GRID2: variants seen among roughly 807,000 people sequenced by gnomAD.
GRID2 encodes the protein glutamate receptor ionotropic, delta-2.
GRID2 carries 33 observed loss-of-function variants against 114.8 expected under a neutral mutation model. The observed-to-expected ratio is 0.29, with a 90% CI of 0.22 to 0.38. The LOEUF (loss-of-function observed/expected upper bound fraction) is 0.38. Ranked by LOEUF, GRID2 falls within the 10% of genes least tolerant of loss-of-function variation. The pLI is 1.00. For missense variants in GRID2, 1,184 were observed against 1,257.7 expected (o/e 0.94, Z 0.89); for synonymous variants, 505 against 449.9 (o/e 1.12, Z -1.55).
chr4:93,225,067 C>T (rs896298052), intron 7 of GRID2, among the ~76,000 whole-genome samples: 5 of 151,840 alleles, frequency 3.3e-5, no homozygotes, highest in Admixed American at 2.0e-4. Flanking sequence ...TGGTGCCTGT[C>T]GCAAAATACA....
At chr4:92,927,904 G>T (rs1166852711) in intron 2 of GRID2, among the ~76,000 whole-genome samples, 1 of 151,550 alleles carries the variant, frequency 6.6e-6, no homozygotes, top group Admixed American at 6.6e-5. Context: ...ACCAGTTGAG[G>T]ATCTCAAATC....
chr4:93,126,672 A>G (rs2149369228), intron 4 of GRID2, among the ~76,000 whole-genome samples: 1 of 123,932 alleles, frequency 8.1e-6, no homozygotes, highest in South Asian at 2.5e-4. Flanking sequence ...ATCTCGGCTC[A>G]CTGCAAGCTC....
chr4:93,178,380 A>ATTT (rs11428288), intron 4 of GRID2, among the ~76,000 whole-genome samples: 681 of 50,320 alleles, frequency 0.014, 147 homozygotes, highest in African/African-American at 0.027. Flanking sequence ...TTGAAAATAG[A>ATTT]TTTTTTTTTT....
At chr4:92,473,964 T>TTGTG (rs59328379) in intron 1 of GRID2, among the ~76,000 whole-genome samples, 4,105 of 144,388 alleles carry the variant, frequency 0.028, 71 homozygotes, top group East Asian at 0.052. Context: ...GTTATCTTGG[T>TTGTG]TGTGTGTGTG....
At chr4:93,311,734 G>A (rs1579632442) in intron 8 of GRID2, among the ~76,000 whole-genome samples, 1 of 152,272 alleles carries the variant, frequency 6.6e-6, no homozygotes, top group Non-Finnish European at 1.5e-5. Flanking sequence ...ACAGGAGAGG[G>A]TAAGGAGGGT....
At chr4:92,774,128 C>G (rs1738672848) in intron 2 of GRID2, among the ~76,000 whole-genome samples, 1 of 151,856 alleles carries the variant, frequency 6.6e-6, no homozygotes, top group African/African-American at 2.4e-5. Context: ...TGGATCCAGC[C>G]CAGCCAAGGC....
At chr4:93,194,382 G>T (rs1741276646) in intron 4 of GRID2, among the ~76,000 whole-genome samples, 2 of 152,032 alleles carry the variant, frequency 1.3e-5, no homozygotes, top group Non-Finnish European at 2.9e-5. Flanking sequence ...GTTTTAAGGA[G>T]TTTTTTTCAG....
intron 4 of GRID2, among the ~76,000 whole-genome samples, chr4:93,116,405 A>G (rs1733262933): frequency 6.6e-6 from 1 of 152,180 alleles, no homozygotes; most frequent in African/African-American, 2.4e-5. Flanking sequence ...ATCACTATAA[A>G]TATTGTTCAC....
At chr4:92,590,418 G>T in intron 2 of GRID2, 132 bp downstream of exon 2, 2 of 628,766 alleles carry the variant, frequency 3.2e-6, no homozygotes. Flanking sequence ...TTTCCTTGGA[G>T]ATCACTGTTT....
chr4:93,623,403 TGTTA>T (rs1742397463), intron 13 of GRID2, among the ~76,000 whole-genome samples: 1 of 152,134 alleles, frequency 6.6e-6, no homozygotes, highest in African/African-American at 2.4e-5. Context: ...TCTGTTCCTG[TGTTA>T]GTTTGCTGAG....
At chr4:93,659,192 T>C (rs560744590) in intron 14 of GRID2, among the ~76,000 whole-genome samples, 21 of 148,672 alleles carry the variant, frequency 1.4e-4, no homozygotes, top group Non-Finnish European at 2.8e-4. Context: ...AAACTGGAAG[T>C]AAAAGGGCCA....
intron 1 of GRID2, among the ~76,000 whole-genome samples, chr4:92,475,129 AAAT>A (rs138643012): frequency 0.16 from 23,020 of 144,698 alleles, 3,082 homozygotes; most frequent in African/African-American, 0.37. Flanking sequence ...TAATAATAAT[AAAT>A]AATAATAATA....
At chr4:92,961,610 G>A (rs1363933242) in intron 2 of GRID2, among the ~76,000 whole-genome samples, 1 of 148,894 alleles carries the variant, frequency 6.7e-6, no homozygotes, top group African/African-American at 2.5e-5. Flanking sequence ...TCTTTATTTT[G>A]ATTTTCTTCA....
At chr4:92,444,397 G>T (rs1174980449) in intron 1 of GRID2, among the ~76,000 whole-genome samples, 2 of 147,530 alleles carry the variant, frequency 1.4e-5, no homozygotes, top group African/African-American at 4.9e-5. Flanking sequence ...TGGCGGGCAG[G>T]AGTGGGGGTC....
chr4:93,593,986 T>A (rs1035930422), intron 13 of GRID2, among the ~76,000 whole-genome samples: 1 of 152,008 alleles, frequency 6.6e-6, no homozygotes, highest in African/African-American at 2.4e-5. Flanking sequence ...TCAACTTCTT[T>A]GCCTTTGGTT....
At chr4:93,677,947 T>A (rs1395376311) in intron 14 of GRID2, among the ~76,000 whole-genome samples, 2 of 96,130 alleles carry the variant, frequency 2.1e-5, no homozygotes, top group African/African-American at 6.6e-5. Context: ...CTTTGACGAG[T>A]TGAGAGAAGG....
chr4:92,460,032 C>CTCTATATATATATA (rs749790235), intron 1 of GRID2, among the ~76,000 whole-genome samples: 1,659 of 48,258 alleles, frequency 0.034, 82 homozygotes, highest in East Asian at 0.068. Flanking sequence ...ATAAATCTCA[C>CTCTATATATATATA]TATATATATA....
At chr4:93,113,319 T>G (rs139736685) in intron 4 of GRID2, among the ~76,000 whole-genome samples, 1 of 152,058 alleles carries the variant, frequency 6.6e-6, no homozygotes, top group Non-Finnish European at 1.5e-5. Flanking sequence ...AAAACTGAGG[T>G]GTACAGGGTT....
chr4:93,471,893 T>A (rs1030915363), intron 11 of GRID2, among the ~76,000 whole-genome samples: 4 of 146,512 alleles, frequency 2.7e-5, no homozygotes, highest in Non-Finnish European at 6.0e-5. Context: ...AGAGACGGGG[T>A]TTCCCCATGT....
Sources: gnomAD v4.1 joint callset for allele counts (sites outside exome capture counted in the v4.1 genomes callset) on GRCh38, gnomAD v4.1.1 for gene constraint, MANE v1.5 for transcripts, NCBI Gene and HGNC (gene_info 2026-07-23, HGNC 2026-07-21) for gene names.